The following PCDHGA6 variants were observed in gnomAD, a reference collection of about 807,000 sequenced individuals.
The protein encoded by PCDHGA6 is protocadherin gamma subfamily A, 6.
PCDHGA6 carries 41 observed loss-of-function variants against 60.6 expected under a neutral mutation model. That is an observed-to-expected ratio of 0.68 (90% CI 0.53 to 0.88). The LOEUF (loss-of-function observed/expected upper bound fraction) is 0.88, where lower values mean the gene tolerates loss of function less well. PCDHGA6 is among the 40% of genes least tolerant of loss of function. The pLI is 0.00. For synonymous variants in PCDHGA6, 594 were observed against 524.4 expected (o/e 1.13, Z -1.81); for missense variants, 1,312 against 1,203.0 (o/e 1.09, Z -1.34).
intron 1 of PCDHGA6, 81 bp downstream of exon 1, chr5:141,376,588 T>A: frequency 6.3e-7 from 1 of 1,575,434 alleles, no homozygotes; most frequent in South Asian, 1.2e-5. Flanking sequence ...ATCAGCTAGA[T>A]CGGCTGTTAT....
At position 141,376,372 on chromosome 5, in the gene PCDHGA6, G is replaced by T; in HGVS notation, c.2289G>T (p.Ser763=). 1 of 1,614,182 alleles carries T rather than the reference G, an allele frequency of 6.2e-7. No individual in the cohort carries two copies. Among genetic ancestry groups the T allele is most frequent in the Non-Finnish European group, 8.5e-7 (1 of 1,180,048 alleles). Residue 763 remains serine, a synonymous_variant, in exon 1 of 4, where the codon TCG becomes TCT. Transcript: ENST00000517434. ...YSHEVSLTAD[S]RKSHLIFPQP... is the part of the protein sequence containing the mutation. ...ACGAGGTCTCACTCACTGCAGACTCGCGTAAGAGTCATCTGATTTTCCCCC... is the reference window on the plus strand; with the variant it reads ...ACGAGGTCTCACTCACTGCAGACTCTCGTAAGAGTCATCTGATTTTCCCCC...
chr5:141,427,825 C>A (rs1342117815), intron 1 of PCDHGA6: 1 of 1,536,464 alleles, frequency 6.5e-7, no homozygotes, highest in Non-Finnish European at 8.9e-7. Flanking sequence ...GTGGTGGTCG[C>A]GCAGCGTGCC....
intron 1 of PCDHGA6, chr5:141,440,160 G>A (rs568136682): frequency 6.6e-6 from 1 of 152,324 alleles, no homozygotes; most frequent in East Asian, 1.9e-4. Flanking sequence ...ATTATAGCTT[G>A]GGCCATAACG....
intron 1 of PCDHGA6, among the ~76,000 whole-genome samples, chr5:141,482,757 T>G: frequency 7.9e-6 from 1 of 127,194 alleles, no homozygotes; most frequent in Admixed American, 7.7e-5. Flanking sequence ...GATTATGGTA[T>G]TTCATTATCA....
At chr5:141,430,682 C>A (rs2097302907) in intron 1 of PCDHGA6, 1 of 1,361,564 alleles carries the variant, frequency 7.3e-7, no homozygotes, top group South Asian at 1.7e-5. Flanking sequence ...CCAACTGTCC[C>A]ATTCTATGGG....
rs781267293 is a variant in PCDHGA6 at position 141,489,926 on chromosome 5, C to T, written c.2425-4881C>T. 1.2e-6 allele frequency: 2 copies of T among 1,614,222 alleles called. No individual in the cohort carries two copies. The highest frequency in any genetic ancestry group is 2.2e-5 in the East Asian group (1 of 44,878). On this transcript the variant is annotated intron_variant, in intron 1 of 3. Coordinates refer to ENST00000517434, the MANE Select transcript of PCDHGA6 (RefSeq NM_018919.3). The surrounding 1 kb of genome is among the most constrained non-coding windows in gnomAD (Gnocchi z 4.5). Reference sequence around the variant, plus strand: ...GCCCGCTCAGGGACCACCCTTATCTCTGTCATCGTGCTGGACATCAATGAT... The same window carrying T: ...GCCCGCTCAGGGACCACCCTTATCTTTGTCATCGTGCTGGACATCAATGAT...
At chr5:141,450,067 T>C (rs1007808503) in intron 1 of PCDHGA6, among the ~76,000 whole-genome samples, 4 of 147,604 alleles carry the variant, frequency 2.7e-5, no homozygotes, top group African/African-American at 1.0e-4. Context: ...AATGCAGTGG[T>C]ATGATCTTGG....
chr5:141,495,108 C>G (rs1304714928), intron 2 of PCDHGA6, among the ~76,000 whole-genome samples: 1 of 152,176 alleles, frequency 6.6e-6, no homozygotes, highest in Admixed American at 6.5e-5. Context: ...ACGACCGGCA[C>G]CTTTTCCTAT....
At chr5:141,462,584 A>C (rs959398950) in intron 1 of PCDHGA6, among the ~76,000 whole-genome samples, 1 of 152,124 alleles carries the variant, frequency 6.6e-6, no homozygotes, top group African/African-American at 2.4e-5. Context: ...CATCCAGTGA[A>C]GTTTCCATTT....
chr5:141,444,588 A>G (rs1486905298), intron 1 of PCDHGA6, among the ~76,000 whole-genome samples: 1 of 152,138 alleles, frequency 6.6e-6, no homozygotes, highest in Non-Finnish European at 1.5e-5. Flanking sequence ...CTTTCTACTT[A>G]CCTTATTTAA....
intron 1 of PCDHGA6, chr5:141,407,994 C>T (rs1449634415): frequency 1.0e-5 from 9 of 858,436 alleles, no homozygotes; most frequent in African/African-American, 1.7e-5. Flanking sequence ...CAGCCTCTGG[C>T]CTGGGATTCC....
At chr5:141,495,149 G>A (rs1448841303) in intron 2 of PCDHGA6, among the ~76,000 whole-genome samples, 1 of 152,170 alleles carries the variant, frequency 6.6e-6, no homozygotes, top group Non-Finnish European at 1.5e-5. Context: ...CCAAAGGATG[G>A]TCTTAAGCTG....
rs773199374 is a variant in PCDHGA6, at chr5:141,375,627, A to AGGAG, written c.1544_1545insGGAG (p.Tyr515Ter). The AGGAG allele has an allele frequency of 2.9e-5, 46 of 1,613,948 alleles. No individual in the cohort carries two copies. Among genetic ancestry groups the AGGAG allele is most frequent in the Non-Finnish European group, 3.6e-5 (43 of 1,180,014 alleles). On this transcript the variant is annotated stop_gained and frameshift_variant, in exon 1 of 4. Transcript: ENST00000517434. LOFTEE classifies it high-confidence loss of function. The stretch of plus-strand genomic sequence containing the variant: ...ATCAACTCCGACACTGGGATTCTGT[A>AGGAG]CGCCCTGCGCTCCTTCGACTATGAG...
In PCDHGA6 at chr5:141,491,632, C is replaced by T; in HGVS notation, c.2425-3175C>T. On this transcript the variant is annotated intron_variant, in intron 1 of 3. Transcript: ENST00000517434. This position sits in a 1 kb window ranked among gnomAD's most constrained non-coding sequence, Gnocchi z 6.9. ...TCTAAGACCCCTCAGCGTTCAGCAG[C>T]CCACAGCTCTGGCGCTGGAGCCTGA... 1.2e-6 allele frequency: 2 copies of T among 1,613,886 alleles called. No individual in the cohort carries two copies. The highest frequency in any genetic ancestry group is 1.7e-6 in the Non-Finnish European group (2 of 1,179,994).
At chr5:141,419,298 A>G in intron 1 of PCDHGA6, 1 of 1,613,988 alleles carries the variant, frequency 6.2e-7, no homozygotes, top group Non-Finnish European at 8.5e-7. Context: ...TCTGACCCAG[A>G]CTTCGGGCTC....
Position 141,432,292 on chromosome 5 carries a change from T to C in PCDHGA6, c.2424+55785T>C, listed in dbSNP as rs1339412798. 2 of 1,614,078 alleles carry C rather than the reference T, an allele frequency of 1.2e-6. No individual in the cohort carries two copies. The highest frequency in any genetic ancestry group is 2.2e-5 in the East Asian group (1 of 44,888). On this transcript the variant is annotated intron_variant, in intron 1 of 3. Coordinates refer to ENST00000517434, the MANE Select transcript of PCDHGA6 (RefSeq NM_018919.3). The surrounding 1 kb of genome is among the most constrained non-coding windows in gnomAD (Gnocchi z 6.0). ...CCTACGTGTCCATCAACTCCGACAC[T>C]GGGGTACTGTATGCGCTGAGCTCCT...
Position 141,486,266 on chromosome 5 carries a change from C to G in PCDHGA6, c.2425-8541C>G, listed in dbSNP as rs1311684194. On this transcript the variant is annotated intron_variant, in intron 1 of 3. Transcript: ENST00000517434. The surrounding 1 kb of genome is among the most constrained non-coding windows in gnomAD (Gnocchi z 5.0). Reference sequence around the variant, plus strand: ...TGGAACCCTCCCCGAGAGTGCAGAACCTGGCACTGTGGTGGCACTTATCAG... The same window carrying G: ...TGGAACCCTCCCCGAGAGTGCAGAAGCTGGCACTGTGGTGGCACTTATCAG... 1 of 1,614,098 alleles carries G rather than the reference C, an allele frequency of 6.2e-7. No individual in the cohort carries two copies.
rs368075478 is a variant in PCDHGA6, at chr5:141,403,866, A to G, written c.2424+27359A>G. The G allele has an allele frequency of 1.3e-4, 207 of 1,613,762 alleles. No individual in the cohort carries two copies. Among genetic ancestry groups the G allele is most frequent in the Non-Finnish European group, 1.6e-4 (186 of 1,179,844 alleles). On this transcript the variant is annotated intron_variant, in intron 1 of 3. Transcript: ENST00000517434. ...AATACTGGGGAAATATCAACAGCAA[A>G]AAGTCTAGATTATGAAGAATGTTCA...
chr5:141,450,669 T>C (rs2098689726), intron 1 of PCDHGA6, among the ~76,000 whole-genome samples: 1 of 151,904 alleles, frequency 6.6e-6, no homozygotes, highest in Admixed American at 6.6e-5. Context: ...GTACTTTTAG[T>C]AGAAACGGGG....
Sources: gnomAD v4.1 joint callset for allele counts (sites outside exome capture counted in the v4.1 genomes callset) on GRCh38, gnomAD v4.1.1 for gene constraint, Gnocchi (gnomAD v3.1) non-coding constraint, MANE v1.5 for transcripts, NCBI Gene and HGNC (gene_info 2026-07-23, HGNC 2026-07-21) for gene names.